CAPN1: variants seen among roughly 807,000 people sequenced by gnomAD.
CAPN1 encodes the protein calpain 1, also known as calpain-1 catalytic subunit.
In CAPN1, 77 loss-of-function variants were observed where a neutral mutation model predicts 105.2. That is an observed-to-expected ratio of 0.73 (90% CI 0.61 to 0.88). CAPN1 has a LOEUF of 0.88. Among genes scored for constraint, CAPN1 ranks in the 40% least tolerant of loss-of-function variants. The probability of loss-of-function intolerance (pLI) is 0.00; values close to 1 mark genes in which losing one functional copy is unlikely to be tolerated. For missense variants in CAPN1, 833 were observed against 976.6 expected (o/e 0.85, Z 1.96); for synonymous variants, 355 against 388.8 (o/e 0.91, Z 1.02).
Position 65,207,655 on chromosome 11 carries a change from G to C in CAPN1, c.1606-400G>C, listed in dbSNP as rs181489548. Among the ~76,000 whole-genome samples the C allele has an allele frequency of 1.7e-3, 256 of 151,898 alleles. 4 individuals carry two copies. Among genetic ancestry groups the C allele is most frequent in the East Asian group, 0.014 (69 of 5,074 alleles). Reference sequence around the variant, plus strand: ...AAGCCGGGCTCAGTGGCTCACGCCTGTAATCCTAGCACTTTGGGAGGTTGA... The same window carrying C: ...AAGCCGGGCTCAGTGGCTCACGCCTCTAATCCTAGCACTTTGGGAGGTTGA... On this transcript the variant is annotated intron_variant, in intron 14 of 21. Coordinates refer to ENST00000279247, the MANE Select transcript of CAPN1 (RefSeq NM_005186.4).
chr11:65,181,632 C>G (rs1200272034), upstream of CAPN1: 1 of 391,030 alleles, frequency 2.6e-6, no homozygotes. This position sits in a 1 kb window ranked among gnomAD's most constrained non-coding sequence, Gnocchi z 4.6. Flanking sequence ...CCGGCCCTCC[C>G]CCTCCGTTCC....
intron 10 of CAPN1, among the ~76,000 whole-genome samples, chr11:65,193,344 T>C (rs1365127557): frequency 2.6e-5 from 4 of 152,024 alleles, no homozygotes; most frequent in African/African-American, 9.7e-5. Context: ...GGATTGCTCA[T>C]TTGCATTGTC....
rs968908373 is a variant in CAPN1, at chr11:65,207,913, CAAAAAGAAAA to C, written c.1606-141_1606-132del. ...TGGGTGACAGAGTGAAACTCCATCT[CAAAAAGAAAA>C]GAAAAGAAAAGTGAGGCTCAGAGAA... On this transcript the variant is annotated intron_variant, in intron 14 of 21. Coordinates refer to ENST00000279247, the MANE Select transcript of CAPN1 (RefSeq NM_005186.4). The C allele has an allele frequency of 2.3e-4, 113 of 501,954 alleles. No homozygotes were observed. In the Admixed American group the frequency reaches 4.6e-3, roughly 20 times the overall value. 31.1% of individuals were successfully genotyped at this position (501,954 alleles called of 1,614,324 possible).
Position 65,209,794 on chromosome 11 carries a change from C to T in CAPN1, c.1795-55C>T. 1 of 1,562,676 alleles carries T rather than the reference C, an allele frequency of 6.4e-7. No individual in the cohort carries two copies. Among genetic ancestry groups the T allele is most frequent in the Non-Finnish European group, 8.8e-7 (1 of 1,141,202 alleles). ...GCCATCTCCCCTTCTGCACAGTTGCCCACTCTCCCATGACTGGTCTAAGTG... is the reference window on the plus strand; with the variant it reads ...GCCATCTCCCCTTCTGCACAGTTGCTCACTCTCCCATGACTGGTCTAAGTG... On this transcript the variant is annotated intron_variant, in intron 17 of 21. Coordinates refer to ENST00000279247, the MANE Select transcript of CAPN1 (RefSeq NM_005186.4). The surrounding 1 kb of genome is among the most constrained non-coding windows in gnomAD (Gnocchi z 4.1).
intron 7 of CAPN1, chr11:65,187,617 T>C: frequency 2.1e-6 from 1 of 476,580 alleles, no homozygotes. Flanking sequence ...CCAGGTGCAC[T>C]GGCTCACACC....
Position 65,211,417 on chromosome 11 carries a change from C to G in CAPN1, c.*131C>G. On this transcript the variant is annotated 3_prime_UTR_variant, in exon 22 of 22. Coordinates refer to ENST00000279247, the MANE Select transcript of CAPN1 (RefSeq NM_005186.4). The stretch of plus-strand genomic sequence containing the variant: ...GGAGCAGAGAGGCAGCCTCGTCCTC[C>G]TGTCCCCTCTCCTCCCAGCCACCAT... The G allele has an allele frequency of 1.3e-6, 1 of 797,376 alleles. No homozygotes were observed. Among genetic ancestry groups the G allele is most frequent in the Non-Finnish European group, 2.1e-6 (1 of 473,892 alleles). The allele number at this position is 797,376 out of a possible 1,614,324, so 49.4% of individuals were successfully genotyped here.
At chr11:65,190,267 T>G (rs1034926458) in intron 10 of CAPN1, among the ~76,000 whole-genome samples, 4 of 152,176 alleles carry the variant, frequency 2.6e-5, no homozygotes, top group Admixed American at 6.5e-5. Flanking sequence ...CTTCATTGCT[T>G]AACCCTTCCC....
chr11:65,191,189 G>C (rs1436571875), intron 10 of CAPN1, among the ~76,000 whole-genome samples: 1 of 151,872 alleles, frequency 6.6e-6, no homozygotes, highest in Non-Finnish European at 1.5e-5. Context: ...ATTTATTTTG[G>C]CCTTTAATGT....
At chr11:65,200,023 C>T (rs1948844909) in intron 10 of CAPN1, among the ~76,000 whole-genome samples, 1 of 152,158 alleles carries the variant, frequency 6.6e-6, no homozygotes, top group Admixed American at 6.5e-5. Context: ...ACCTGGAATG[C>T]CACCAATCCA....
chr11:65,192,161 G>C (rs1156803676), intron 10 of CAPN1, among the ~76,000 whole-genome samples: 2 of 152,046 alleles, frequency 1.3e-5, no homozygotes, highest in African/African-American at 4.8e-5. Context: ...TTTGAGCCAG[G>C]GAGGTAGAGG....
Position 65,209,983 on chromosome 11 carries a change from C to T in CAPN1, c.1864-35C>T. 1 of 1,611,028 alleles carries T rather than the reference C, an allele frequency of 6.2e-7. No individual in the cohort carries two copies. The highest frequency in any genetic ancestry group is 8.5e-7 in the Non-Finnish European group (1 of 1,177,772). On this transcript the variant is annotated intron_variant, in intron 18 of 21. Coordinates refer to ENST00000279247, the MANE Select transcript of CAPN1 (RefSeq NM_005186.4). This position sits in a 1 kb window ranked among gnomAD's most constrained non-coding sequence, Gnocchi z 4.1. Reference sequence around the variant, plus strand: ...CGGGCAGGTGGGAAGGGCCGGGTGACTCAGCCTGGCCCTCACCCTCTGCCG... The same window carrying T: ...CGGGCAGGTGGGAAGGGCCGGGTGATTCAGCCTGGCCCTCACCCTCTGCCG...
Position 65,188,219 on chromosome 11 carries a change from C to T in CAPN1, c.929+179C>T, listed in dbSNP as rs1393716864. On this transcript the variant is annotated intron_variant, in intron 8 of 21. Transcript: ENST00000279247. The surrounding 1 kb of genome is among the most constrained non-coding windows in gnomAD (Gnocchi z 5.5). ...GCTCAGGCCGTGCGGGCCCCTGTGC[C>T]CAGCCGTCGGGTGTGTGCAGGGCAT... 2 of 686,372 alleles carry T rather than the reference C, an allele frequency of 2.9e-6. No homozygotes were observed. The highest frequency in any genetic ancestry group is 4.9e-6 in the Non-Finnish European group (2 of 408,548). 42.5% of individuals were successfully genotyped at this position (686,372 alleles called of 1,614,324 possible). A position where few individuals can be genotyped will look rare whatever the true frequency, so the allele number is the denominator to read the frequency against.
rs1194798690 is a variant in CAPN1 at position 65,205,725 on chromosome 11, G to A, written c.1353+4G>A. The A allele has an allele frequency of 1.2e-6, 2 of 1,613,664 alleles. No individual in the cohort carries two copies. The highest frequency in any genetic ancestry group is 1.7e-4 in the Middle Eastern group (1 of 6,056). ...TCTATTGCAGGTCCCTCCGGAGGTA[G>A]GTGTGGCACCATGACCCACCTGCAG... On this transcript the variant is annotated splice_donor_region_variant and intron_variant, in intron 12 of 21. Transcript: ENST00000279247.
chr11:65,211,432 C>T lies in CAPN1; in HGVS notation c.*146C>T, dbSNP rs1949048256. 7 of 739,582 alleles carry T rather than the reference C, an allele frequency of 9.5e-6. No individual in the cohort carries two copies. The highest frequency in any genetic ancestry group is 6.1e-5 in the Admixed American group (3 of 48,878). 45.8% of individuals were successfully genotyped at this position (739,582 alleles called of 1,614,324 possible). ...CCTCGTCCTCCTGTCCCCTCTCCTC[C>T]CAGCCACCATCGTTCATCTGCTCCG... On this transcript the variant is annotated 3_prime_UTR_variant, in exon 22 of 22. Transcript: ENST00000279247.
At chr11:65,207,944 G>A (rs2137393809) in intron 14 of CAPN1, 111 bp from the exon 15 acceptor site, 5 of 705,416 alleles carry the variant, frequency 7.1e-6, no homozygotes, top group Admixed American at 2.8e-5. Context: ...GTGAGGCTCA[G>A]AGAAGCGAAG....
rs1948657101 is a variant in CAPN1, at chr11:65,187,796, A to G, written c.844-159A>G. ...CAGCTATTTGGGAGGCTGAGGCAAG[A>G]GAATTGAATTGCTTGAACCCAGGAG... On this transcript the variant is annotated intron_variant, in intron 7 of 21. Coordinates refer to ENST00000279247, the MANE Select transcript of CAPN1 (RefSeq NM_005186.4). 1.1e-5 allele frequency: 6 copies of G among 566,964 alleles called. No individual in the cohort carries two copies. The South Asian group carries it at 1.2e-4, about 11-fold the overall frequency. The allele number at this position is 566,964 out of a possible 1,614,324, so 35.1% of individuals were successfully genotyped here.
rs1257183923 is a variant in CAPN1, at chr11:65,204,695, T to TG, written c.1179dup (p.Asn394GlufsTer10). 1 of 1,611,876 alleles carries TG rather than the reference T, an allele frequency of 6.2e-7. No individual in the cohort carries two copies. Among genetic ancestry groups the TG allele is most frequent in the Non-Finnish European group, 8.5e-7 (1 of 1,178,878 alleles). On this transcript the variant is annotated frameshift_variant, in exon 11 of 22. Coordinates refer to ENST00000279247, the MANE Select transcript of CAPN1 (RefSeq NM_005186.4). LOFTEE classifies it high-confidence loss of function. ...CACCTGCCCGCAGCCACCTTCTGGG[T>TG]GAACCCTCAGTTCAAGATCCGGCTG...
At chr11:65,190,715 T>G (rs368363337) in intron 10 of CAPN1, among the ~76,000 whole-genome samples, 41 of 67,720 alleles carry the variant, frequency 6.1e-4, no homozygotes, top group African/African-American at 7.7e-4. Flanking sequence ...TTTTTTTGTT[T>G]TTGTTTTTGT....
chr11:65,183,446 A>G, intron 3 of CAPN1, 28 bp from the exon 4 acceptor site: 5 of 1,545,272 alleles, frequency 3.2e-6, no homozygotes, highest in Non-Finnish European at 4.5e-6. Context: ...TTGGTAGAGC[A>G]GGCTAATGTG....
Sources: gnomAD v4.1 joint callset for allele counts (sites outside exome capture counted in the v4.1 genomes callset) on GRCh38, gnomAD v4.1.1 for gene constraint, Gnocchi (gnomAD v3.1) non-coding constraint, MANE v1.5 for transcripts, NCBI Gene and HGNC (gene_info 2026-07-23, HGNC 2026-07-21) for gene names.